The following NINL variants were observed in gnomAD, a reference collection of about 807,000 sequenced individuals.
The protein encoded by NINL is ninein like.
Under a neutral mutation model 160.3 loss-of-function variants are expected in NINL, and 153 were observed. The observed-to-expected ratio is 0.95, with a 90% CI of 0.84 to 1.09. NINL has a LOEUF of 1.09. Among genes scored for constraint, NINL ranks in the 50% least tolerant of loss-of-function variants. NINL has a pLI of 0.00. For missense variants in NINL, 1,829 were observed against 1,764.0 expected (o/e 1.04, Z -0.66); for synonymous variants, 800 against 734.8 (o/e 1.09, Z -1.43).
chr20:25,516,644 A>G (rs146746844), intron 3 of NINL, among the ~76,000 whole-genome samples: 2 of 152,192 alleles, frequency 1.3e-5, no homozygotes, highest in African/African-American at 4.8e-5. Context: ...TGCCTTAGGG[A>G]GAGTAGGGAG....
At position 25,498,203 on chromosome 20, in the gene NINL, C is replaced by G. The variant is rs963623950; in HGVS notation, c.1169+7G>C. The G allele has an allele frequency of 1.2e-6, 2 of 1,612,164 alleles. No homozygotes were observed. Among genetic ancestry groups the G allele is most frequent in the African/African-American group, 1.3e-5 (1 of 74,900 alleles). ...GCCACGTTCCCCAGTCCCCTGTGGCCTCTTACTGCTGGTAGCTCAGCTCCT... is the reference window on the plus strand; with the variant it reads ...GCCACGTTCCCCAGTCCCCTGTGGCGTCTTACTGCTGGTAGCTCAGCTCCT... On this transcript the variant is annotated splice_region_variant and intron_variant, in intron 9 of 23. Coordinates refer to ENST00000278886, the MANE Select transcript of NINL (RefSeq NM_025176.6).
chr20:25,524,026 C>T (rs949302893), intron 2 of NINL, among the ~76,000 whole-genome samples: 16 of 152,156 alleles, frequency 1.1e-4, no homozygotes, highest in African/African-American at 3.9e-4. Context: ...AAATCTCTAC[C>T]ATTGGGTTTC....
chr20:25,487,738 G>A (rs779042706), intron 13 of NINL, among the ~76,000 whole-genome samples: 3 of 152,164 alleles, frequency 2.0e-5, no homozygotes, highest in Non-Finnish European at 2.9e-5. Flanking sequence ...GTTAATAATC[G>A]ACCCAACTCA....
chr20:25,575,779 G>GT (rs2065108916), intron 1 of NINL, among the ~76,000 whole-genome samples: 1 of 151,198 alleles, frequency 6.6e-6, no homozygotes, highest in East Asian at 1.9e-4. Flanking sequence ...AAAAAAACTT[G>GT]TAAGAATAGT....
chr20:25,478,272 G>C (rs1291983143), intron 16 of NINL, among the ~76,000 whole-genome samples: 1 of 152,190 alleles, frequency 6.6e-6, no homozygotes, highest in African/African-American at 2.4e-5. Context: ...CTGTCAGGCT[G>C]GGGGTGGCCT....
chr20:25,473,697 C>CAG (rs1388281384), intron 17 of NINL, among the ~76,000 whole-genome samples: 2 of 148,968 alleles, frequency 1.3e-5, no homozygotes, highest in African/African-American at 4.9e-5. Context: ...CACACACACA[C>CAG]ACACACACAC....
intron 1 of NINL, among the ~76,000 whole-genome samples, chr20:25,543,789 A>G (rs1394433555): frequency 2.0e-5 from 3 of 152,086 alleles, no homozygotes; most frequent in African/African-American, 4.8e-5. Context: ...TGATGTTGAA[A>G]GCAACCAACT....
chr20:25,491,358 G>GC lies in NINL; in HGVS notation c.1477dup (p.Ala493GlyfsTer75). The stretch of plus-strand genomic sequence containing the variant: ...CCCTGGGGATGCCCCTACCTTCAGG[G>GC]CCAGGGTCAGCTTCTCGCGGAGGCC... On this transcript the variant is annotated frameshift_variant, in exon 11 of 24. Coordinates refer to ENST00000278886, the MANE Select transcript of NINL (RefSeq NM_025176.6). LOFTEE classifies it high-confidence loss of function. 1.2e-6 allele frequency: 2 copies of GC among 1,607,528 alleles called. No individual in the cohort carries two copies. Among genetic ancestry groups the GC allele is most frequent in the Non-Finnish European group, 1.7e-6 (2 of 1,178,930 alleles).
intron 4 of NINL, among the ~76,000 whole-genome samples, chr20:25,511,581 A>C: frequency 6.6e-6 from 1 of 152,094 alleles, no homozygotes; most frequent in East Asian, 1.9e-4. Flanking sequence ...AATGAGTTCA[A>C]CTCCACTGAC....
chr20:25,564,901 G>A (rs549156399), intron 1 of NINL, among the ~76,000 whole-genome samples: 36 of 152,036 alleles, frequency 2.4e-4, no homozygotes, highest in African/African-American at 7.5e-4. Context: ...AAGAGACAGC[G>A]GGCAAATACA....
At chr20:25,519,075 C>A (rs1053718371) in intron 2 of NINL, among the ~76,000 whole-genome samples, 6 of 123,124 alleles carry the variant, frequency 4.9e-5, no homozygotes, top group African/African-American at 1.9e-4. Context: ...CCAGCCTAGG[C>A]AACAGAGCGA....
At chr20:25,578,116 T>C (rs1261581807) in intron 1 of NINL, among the ~76,000 whole-genome samples, 5 of 137,692 alleles carry the variant, frequency 3.6e-5, no homozygotes, top group Non-Finnish European at 6.3e-5. Flanking sequence ...ACAGGCGTGA[T>C]TTTTTTTTTT....
intron 1 of NINL, among the ~76,000 whole-genome samples, chr20:25,562,251 G>T (rs1185215725): frequency 2.5e-4 from 27 of 107,200 alleles, no homozygotes; most frequent in South Asian, 3.3e-4. Flanking sequence ...CTACTGGGAA[G>T]TGAGGAGCCC....
chr20:25,503,194 T>A (rs1288833483), intron 7 of NINL, among the ~76,000 whole-genome samples: 2 of 150,728 alleles, frequency 1.3e-5, no homozygotes, highest in Non-Finnish European at 3.0e-5. Flanking sequence ...CACTGCCTCC[T>A]GTAACCCCAG....
intron 2 of NINL, among the ~76,000 whole-genome samples, chr20:25,523,685 C>T (rs1480096534): frequency 1.3e-5 from 2 of 152,144 alleles, no homozygotes; most frequent in Admixed American, 1.3e-4. Flanking sequence ...CTCTGTCGCC[C>T]AGGCTGGAGT....
At chr20:25,490,105 C>A in intron 11 of NINL, 120 bp from the exon 12 acceptor site, 1 of 889,518 alleles carries the variant, frequency 1.1e-6, no homozygotes, top group South Asian at 1.5e-5. Context: ...CCCCACCCAC[C>A]GCAGGCGAGG....
chr20:25,561,117 G>A (rs568153716), intron 1 of NINL, among the ~76,000 whole-genome samples: 8 of 140,286 alleles, frequency 5.7e-5, no homozygotes, highest in East Asian at 2.0e-4. Context: ...CTGCCATCTC[G>A]GCTCACTGCA....
chr20:25,509,255 C>T (rs2064022032), intron 5 of NINL, among the ~76,000 whole-genome samples: 1 of 152,172 alleles, frequency 6.6e-6, no homozygotes, highest in South Asian at 2.1e-4. Context: ...CCTGCTGCAA[C>T]CCCTCCGAGA....
At position 25,544,011 on chromosome 20, in the gene NINL, C is replaced by T. The variant is rs561087413; in HGVS notation, c.-11-17413G>A. 4.7e-5 allele frequency among the ~76,000 whole-genome samples: 7 copies of T among 149,182 alleles called. No individual in the cohort carries two copies. The Middle Eastern group carries it at 0.014, about 296-fold the overall frequency. ...TCCATCTTCATTCTTTCCATTACCA[C>T]AGTGTTTTGATTACTCTGTGGCCTT... On this transcript the variant is annotated intron_variant, in intron 1 of 23. Coordinates refer to ENST00000278886, the MANE Select transcript of NINL (RefSeq NM_025176.6).
Sources: allele counts gnomAD v4.1 joint callset (sites outside exome capture counted in the v4.1 genomes callset), GRCh38; gene constraint gnomAD v4.1.1; transcripts MANE v1.5; gene names NCBI Gene and HGNC (gene_info 2026-07-23, HGNC 2026-07-21).